HSD17B3: variants seen among roughly 807,000 people sequenced by gnomAD.
The protein encoded by HSD17B3 is hydroxysteroid 17-beta dehydrogenase 3, also known as 17-beta-hydroxysteroid dehydrogenase type 3.
In HSD17B3, 29 loss-of-function variants were observed where a neutral mutation model predicts 41.1. The observed-to-expected ratio is 0.71, with a 90% CI of 0.53 to 0.96. The LOEUF (loss-of-function observed/expected upper bound fraction) is 0.96. Ranked by LOEUF, HSD17B3 falls within the 40% of genes least tolerant of loss-of-function variation. HSD17B3 has a pLI of 0.00. For synonymous variants in HSD17B3, 126 were observed against 145.6 expected (o/e 0.87, Z 0.97); for missense variants, 323 against 374.6 (o/e 0.86, Z 1.14).
At chr9:96,245,975 C>T (rs962048786) in intron 7 of HSD17B3, among the ~76,000 whole-genome samples, 11 of 152,278 alleles carry the variant, frequency 7.2e-5, no homozygotes, top group East Asian at 3.9e-4. Flanking sequence ...CCCAATTAGA[C>T]GGATACAATG....
intron 2 of HSD17B3, among the ~76,000 whole-genome samples, chr9:96,289,325 T>C (rs1426766740): frequency 1.3e-5 from 2 of 152,074 alleles, no homozygotes; most frequent in South Asian, 2.1e-4. Flanking sequence ...TATGAACCTA[T>C]AATTGCTCTA....
rs756622029 is a variant in HSD17B3, at chr9:96,240,803, G to A, written c.777C>T (p.Val259=). 6.2e-7 allele frequency: 1 copy of A among 1,614,190 alleles called. No individual in the cohort carries two copies. The highest frequency in any genetic ancestry group is 8.5e-7 in the Non-Finnish European group (1 of 1,180,028). The change falls in exon 10 of 11, where the codon GTC becomes GTT. Residue 259 remains valine (V), a synonymous_variant. Coordinates refer to ENST00000375263, the MANE Select transcript of HSD17B3 (RefSeq NM_000197.2). ...DEFVKESLNY[V]TIGGETCGCL... is the part of the protein sequence containing the mutation. ...AGCCACAGGTTTCACCTCCAATTGT[G>A]ACATAATTCAATGACTCTTTGACAA...
At chr9:96,296,142 A>C (rs115563361) in intron 2 of HSD17B3, among the ~76,000 whole-genome samples, 2,686 of 152,268 alleles carry the variant, frequency 0.018, 85 homozygotes, top group African/African-American at 0.058. Context: ...CCTGATACTC[A>C]GGAGGCTGAG....
chr9:96,257,864 A>C (rs1825728319), intron 2 of HSD17B3, among the ~76,000 whole-genome samples: 1 of 152,152 alleles, frequency 6.6e-6, no homozygotes, highest in Non-Finnish European at 1.5e-5. Context: ...AGGTCTCACT[A>C]TGTTGGCCAG....
chr9:96,295,898 A>G (rs1243129522), intron 2 of HSD17B3, among the ~76,000 whole-genome samples: 1 of 152,134 alleles, frequency 6.6e-6, no homozygotes, highest in Non-Finnish European at 1.5e-5. Context: ...TAAGGCTTTC[A>G]GGAGGTAATC....
intron 2 of HSD17B3, among the ~76,000 whole-genome samples, chr9:96,281,681 G>C (rs1826697292): frequency 6.6e-6 from 1 of 152,212 alleles, no homozygotes; most frequent in Non-Finnish European, 1.5e-5. Context: ...GATTAGGCAT[G>C]TACAGCATTG....
At chr9:96,271,506 C>T (rs1374619096) in intron 2 of HSD17B3, among the ~76,000 whole-genome samples, 1 of 152,188 alleles carries the variant, frequency 6.6e-6, no homozygotes, top group Non-Finnish European at 1.5e-5. Context: ...CAGAACTGAG[C>T]TCTGTCCAAG....
chr9:96,295,337 TTTTTGTTTTTG>T (rs1286949063), intron 2 of HSD17B3, among the ~76,000 whole-genome samples: 2 of 149,468 alleles, frequency 1.3e-5, no homozygotes, highest in South Asian at 2.1e-4. Flanking sequence ...TTTGTTTTTG[TTTTTGTTTTTG>T]TTTCAGACGA....
In HSD17B3 at chr9:96,253,008, T is replaced by C. The variant is rs1298249929; in HGVS notation, c.278-98A>G. The C allele has an allele frequency of 7.5e-6, 6 of 805,282 alleles. No homozygotes were observed. In the South Asian group the frequency reaches 8.0e-5, roughly 11 times the overall value. 49.9% of individuals were successfully genotyped at this position (805,282 alleles called of 1,614,324 possible). A position where few individuals can be genotyped will look rare whatever the true frequency, so the allele number is the denominator to read the frequency against. On this transcript the variant is annotated intron_variant, in intron 3 of 10. Transcript: ENST00000375263. ...TGCTCCTGTATTACCTGAGCAGACA[T>C]TGAAGAGGACAGCCCATTGCCCCAA...
intron 2 of HSD17B3, among the ~76,000 whole-genome samples, chr9:96,292,540 G>A (rs968552868): frequency 6.6e-6 from 1 of 151,990 alleles, no homozygotes; most frequent in Non-Finnish European, 1.5e-5. Flanking sequence ...TAGAGACAGG[G>A]TTTCACCATG....
chr9:96,252,231 T>C (rs1825445171), intron 4 of HSD17B3, among the ~76,000 whole-genome samples: 2 of 152,092 alleles, frequency 1.3e-5, no homozygotes. Flanking sequence ...TAAAAGAAAA[T>C]TCATTTTAAT....
At chr9:96,244,064 G>A (rs747387402) in intron 9 of HSD17B3, among the ~76,000 whole-genome samples, 8 of 152,200 alleles carry the variant, frequency 5.3e-5, no homozygotes, top group Non-Finnish European at 1.2e-4. Context: ...GCATTTCTGA[G>A]CAGCCACTCC....
chr9:96,266,926 C>T (rs1402184409), intron 2 of HSD17B3, among the ~76,000 whole-genome samples: 1 of 152,048 alleles, frequency 6.6e-6, no homozygotes, highest in Non-Finnish European at 1.5e-5. Context: ...CTGACCCACC[C>T]CAAGGAAAAG....
chr9:96,280,703 C>A (rs2130776602), intron 2 of HSD17B3, among the ~76,000 whole-genome samples: 1 of 152,272 alleles, frequency 6.6e-6, no homozygotes, highest in African/African-American at 2.4e-5. Context: ...GCTGCATTCC[C>A]AGATAGTTGA....
intron 10 of HSD17B3, among the ~76,000 whole-genome samples, chr9:96,235,778 C>G (rs942245062): frequency 6.6e-6 from 1 of 152,152 alleles, no homozygotes; most frequent in African/African-American, 2.4e-5. Context: ...TTTTAAACTC[C>G]TTTGGACGAC....
At chr9:96,284,425 T>C (rs764703141) in intron 2 of HSD17B3, among the ~76,000 whole-genome samples, 5 of 152,202 alleles carry the variant, frequency 3.3e-5, no homozygotes, top group Non-Finnish European at 5.9e-5. Flanking sequence ...ATTTGAAAAC[T>C]AGTTGCGAGT....
chr9:96,258,924 C>CT (rs1379184468), intron 2 of HSD17B3, among the ~76,000 whole-genome samples: 1 of 152,150 alleles, frequency 6.6e-6, no homozygotes, highest in Non-Finnish European at 1.5e-5. Flanking sequence ...CTGTTTCTGT[C>CT]TTATGTAGCA....
chr9:96,288,174 T>C (rs1587782342), intron 2 of HSD17B3, among the ~76,000 whole-genome samples: 1 of 152,232 alleles, frequency 6.6e-6, no homozygotes, highest in Non-Finnish European at 1.5e-5. Context: ...ACTCGAGTGA[T>C]GGAAATGTTC....
At chr9:96,249,834 T>A (rs762262296) in intron 5 of HSD17B3, 48 bp from the exon 6 acceptor site, 63 of 1,613,702 alleles carry the variant, frequency 3.9e-5, no homozygotes, top group Non-Finnish European at 5.3e-5. Flanking sequence ...ATTAGAGAAA[T>A]TCTCCTGGAA....
Sources: allele counts gnomAD v4.1 joint callset (sites outside exome capture counted in the v4.1 genomes callset), GRCh38; gene constraint gnomAD v4.1.1; transcripts MANE v1.5; gene names NCBI Gene and HGNC (gene_info 2026-07-23, HGNC 2026-07-21).